Variants in ZNF420 observed in about 807,000 individuals in gnomAD.
The protein encoded by ZNF420 is zinc finger protein 420.
In ZNF420, 31 loss-of-function variants were observed where a neutral mutation model predicts 44.7. The ratio of observed to expected loss-of-function variants is 0.69; its 90% CI spans 0.52 to 0.94. The LOEUF (loss-of-function observed/expected upper bound fraction) is 0.94. Ranked by LOEUF, ZNF420 falls within the 40% of genes least tolerant of loss-of-function variation. The probability of loss-of-function intolerance (pLI) is 0.00; values close to 1 mark genes in which losing one functional copy is unlikely to be tolerated. For missense variants in ZNF420, 681 were observed against 827.9 expected (o/e 0.82, Z 2.18); for synonymous variants, 245 against 267.4 (o/e 0.92, Z 0.82).
intron 1 of ZNF420, among the ~76,000 whole-genome samples, chr19:37,061,985 C>T (rs1190137401): frequency 6.6e-6 from 1 of 152,150 alleles, no homozygotes; most frequent in East Asian, 1.9e-4. Flanking sequence ...TTTAGCCTCA[C>T]TTTTAGGTCA....
chr19:37,127,428 A>G lies in ZNF420; in HGVS notation c.437A>G (p.Lys146Arg). The change falls in exon 5 of 5, where the codon AAA becomes AGA. Residue 146 changes from lysine to arginine, a missense_variant. Transcript: ENST00000337995. ...CCCTATAAATGTAAGGAATGTGGGA[A>G]AGCCTTCAGACGAGCCTCACACCTA... ...EKPYKCKECG[K>R]AFRRASHLTQ... 1 of 1,614,138 alleles carries G rather than the reference A, an allele frequency of 6.2e-7. No homozygotes were observed. Among genetic ancestry groups the G allele is most frequent in the Non-Finnish European group, 8.5e-7 (1 of 1,180,002 alleles).
intron 4 of ZNF420, among the ~76,000 whole-genome samples, chr19:37,117,846 C>T (rs977202568): frequency 4.6e-5 from 7 of 152,166 alleles, no homozygotes; most frequent in East Asian, 3.9e-4. Context: ...CAGGAGCCGA[C>T]ACGATCAACT....
upstream of ZNF420, among the ~76,000 whole-genome samples, chr19:37,073,971 C>T (rs917231024): frequency 2.6e-5 from 4 of 151,424 alleles, no homozygotes; most frequent in African/African-American, 9.7e-5. Flanking sequence ...TAGTGATATT[C>T]AAAAGAGAAA....
chr19:37,076,251 G>A (rs1208366626), upstream of ZNF420, among the ~76,000 whole-genome samples: 5 of 151,384 alleles, frequency 3.3e-5, no homozygotes, highest in African/African-American at 1.2e-4. Context: ...ACACAGATGC[G>A]GCTCAAGATC....
rs141032874 is a variant in ZNF420, at chr19:37,050,447, G to C, written c.-124-29898G>C. 9.0e-3 allele frequency among the ~76,000 whole-genome samples: 1,371 copies of C among 152,188 alleles called. 12 individuals carry two copies. Among genetic ancestry groups the C allele is most frequent in the Non-Finnish European group, 0.015 (1,010 of 68,002 alleles). ...GGTCCTTCATGTCCCTTGTAAGTTG[G>C]ATCCCTAGATATTTTATTCTCTTTG... On this transcript the variant is annotated intron_variant, in intron 1 of 4. Transcript: ENST00000587029.
chr19:37,022,509 C>A (rs1162789852), intron 1 of ZNF420, among the ~76,000 whole-genome samples: 1 of 151,870 alleles, frequency 6.6e-6, no homozygotes, highest in Non-Finnish European at 1.5e-5. Flanking sequence ...AATTCAAATT[C>A]AAAAAGGGAT....
intron 1 of ZNF420, among the ~76,000 whole-genome samples, chr19:37,058,019 CTG>C (rs1275723937): frequency 2.0e-5 from 3 of 152,168 alleles, no homozygotes; most frequent in African/African-American, 4.8e-5. Context: ...GTCGGTGACA[CTG>C]TGCTGTGTCT....
chr19:37,072,028 C>G (rs1349199391), intron 1 of ZNF420, among the ~76,000 whole-genome samples: 1 of 152,072 alleles, frequency 6.6e-6, no homozygotes, highest in East Asian at 1.9e-4. Context: ...TGGACTGGAG[C>G]CTCTAAGGCA....
At chr19:37,054,141 C>T (rs946280639) in intron 1 of ZNF420, among the ~76,000 whole-genome samples, 1 of 152,222 alleles carries the variant, frequency 6.6e-6, no homozygotes, top group Non-Finnish European at 1.5e-5. Flanking sequence ...GCTCCATGGG[C>T]ATAGGACCCT....
intron 1 of ZNF420, among the ~76,000 whole-genome samples, chr19:37,015,406 C>T (rs989536333): frequency 1.3e-5 from 2 of 152,168 alleles, no homozygotes; most frequent in Non-Finnish European, 2.9e-5. Context: ...CACCCAAGAA[C>T]AGACGCCTCC....
At chr19:37,009,881 G>T (rs2074555036) in intron 1 of ZNF420, among the ~76,000 whole-genome samples, 1 of 152,058 alleles carries the variant, frequency 6.6e-6, no homozygotes, top group Admixed American at 6.5e-5. Flanking sequence ...GCTCAAGGAG[G>T]CCCTGAGGAC....
At chr19:37,033,842 C>T (rs190127118) in intron 1 of ZNF420, among the ~76,000 whole-genome samples, 1 of 152,240 alleles carries the variant, frequency 6.6e-6, no homozygotes, top group Non-Finnish European at 1.5e-5. Context: ...CTGACACCTC[C>T]GCCTCCCAGG....
chr19:37,122,769 T>A (rs1476702122), intron 4 of ZNF420, among the ~76,000 whole-genome samples: 2 of 152,154 alleles, frequency 1.3e-5, no homozygotes, highest in Non-Finnish European at 2.9e-5. Context: ...AACTTCCCTT[T>A]TTCATCCTTC....
chr19:37,049,842 G>A (rs1967607457), intron 1 of ZNF420, among the ~76,000 whole-genome samples: 1 of 152,130 alleles, frequency 6.6e-6, no homozygotes, highest in Non-Finnish European at 1.5e-5. Flanking sequence ...GGTTTTTATG[G>A]TTTTAGGTCT....
intron 1 of ZNF420, among the ~76,000 whole-genome samples, chr19:37,060,397 T>TCC (rs67493931): frequency 6.6e-6 from 1 of 151,968 alleles, no homozygotes; most frequent in East Asian, 1.9e-4. Context: ...TTGGCACTCC[T>TCC]CCCCTCAGCC....
chr19:37,027,809 T>C (rs1177379174), intron 1 of ZNF420, among the ~76,000 whole-genome samples: 1 of 152,212 alleles, frequency 6.6e-6, no homozygotes, highest in Non-Finnish European at 1.5e-5. Context: ...TGTTTCAGAG[T>C]TAGTTTATGC....
intron 4 of ZNF420, among the ~76,000 whole-genome samples, chr19:37,125,490 T>A (rs771995461): frequency 2.6e-5 from 4 of 152,192 alleles, no homozygotes; most frequent in Non-Finnish European, 5.9e-5. Context: ...TTTCTAGGCA[T>A]GTACCACTAG....
intron 1 of ZNF420, among the ~76,000 whole-genome samples, chr19:37,013,521 A>G (rs921457867): frequency 6.6e-6 from 1 of 152,074 alleles, no homozygotes; most frequent in Non-Finnish European, 1.5e-5. Context: ...CCAGGATGAA[A>G]AAACCTCATG....
chr19:37,018,008 A>G (rs1386715549), intron 1 of ZNF420, among the ~76,000 whole-genome samples: 1 of 152,172 alleles, frequency 6.6e-6, no homozygotes, highest in Non-Finnish European at 1.5e-5. Flanking sequence ...TTTCATTTCT[A>G]TACAATTACA....
Sources: allele counts gnomAD v4.1 joint callset (sites outside exome capture counted in the v4.1 genomes callset), GRCh38; gene constraint gnomAD v4.1.1; transcripts MANE v1.5; gene names NCBI Gene and HGNC (gene_info 2026-07-23, HGNC 2026-07-21).